MICALL2: variants seen among roughly 807,000 people sequenced by gnomAD.
MICALL2 encodes MICAL-like protein 2.
MICALL2 carries 111 observed loss-of-function variants against 91.1 expected under a neutral mutation model. That is an observed-to-expected ratio of 1.22 (90% CI 1.04 to 1.43). MICALL2 has a LOEUF of 1.43. Among genes scored for constraint, MICALL2 ranks in the 40% most tolerant of loss-of-function variants. MICALL2 has a pLI of 0.00. For synonymous variants in MICALL2, 694 were observed against 525.3 expected, an observed-to-expected ratio of 1.32 and a Z score of -4.39; for missense variants, 1,556 against 1,236.0, an observed-to-expected ratio of 1.26 and a Z score of -3.88.
chr7:1,434,652 T>TG lies in MICALL2; in HGVS notation c.2658dup (p.Lys887GlnfsTer?). ...GACCAGATCTTGGACAAGCGGAACTTGGACTTCTTCCTCTGGAGGCCTAGG... is the reference window on the plus strand; with the variant it reads ...GACCAGATCTTGGACAAGCGGAACTTGGGACTTCTTCCTCTGGAGGCCTAGG... On this transcript the variant is annotated frameshift_variant, in exon 17 of 17. Coordinates refer to ENST00000297508, the MANE Select transcript of MICALL2 (RefSeq NM_182924.4). LOFTEE classifies it high-confidence loss of function. 6.4e-7 allele frequency: 1 copy of TG among 1,567,920 alleles called. No homozygotes were observed. The highest frequency in any genetic ancestry group is 8.6e-7 in the Non-Finnish European group (1 of 1,161,180).
chr7:1,434,980 T>TTGG, intron 16 of MICALL2, 121 bp downstream of exon 16: 1 of 628,930 alleles, frequency 1.6e-6, no homozygotes, highest in Non-Finnish European at 2.8e-6. Flanking sequence ...GGGGACCCGA[T>TTGG]ACCCGCCCCC....
At chr7:1,440,436 C>A in intron 8 of MICALL2, 155 bp downstream of exon 8, 1 of 708,992 alleles carries the variant, frequency 1.4e-6, no homozygotes, top group South Asian at 1.7e-5. Flanking sequence ...CAGCGGCCCC[C>A]ATGTCCCTCA....
chr7:1,453,204 T>C (rs1780898776), intron 1 of MICALL2, among the ~76,000 whole-genome samples: 1 of 151,990 alleles, frequency 6.6e-6, no homozygotes, highest in African/African-American at 2.4e-5. Flanking sequence ...CGTGACCTTA[T>C]TTGGAGACAG....
intron 7 of MICALL2, chr7:1,441,972 C>A (rs1460204245): frequency 5.0e-6 from 3 of 600,660 alleles, no homozygotes; most frequent in East Asian, 2.9e-5. Context: ...GGGCTGGGTG[C>A]CGGCAAACAG....
Position 1,459,194 on chromosome 7 carries a change from G to A in MICALL2, c.133C>T (p.Pro45Ser), listed in dbSNP as rs756650881. Reference sequence around the variant, plus strand: ...CCAGGCAGGACTTACATGAGGTCGGGCCGGTGGCGGTGCAGGATGGCGCAG... The same window carrying A: ...CCAGGCAGGACTTACATGAGGTCGGACCGGTGGCGGTGCAGGATGGCGCAG... ...AFCAILHRHR[P>S]DLINFSALKK... The change falls in exon 1 of 17, where the codon CCC (proline) becomes TCC (serine). Residue 45 changes from proline (P) to serine (S), a missense_variant. Transcript: ENST00000297508. The A allele has an allele frequency of 6.2e-7, 1 of 1,610,186 alleles. No homozygotes were observed. The highest frequency in any genetic ancestry group is 8.5e-7 in the Non-Finnish European group (1 of 1,178,656).
intron 6 of MICALL2, 123 bp downstream of exon 6, chr7:1,444,529 A>G: frequency 1.1e-6 from 1 of 922,690 alleles, no homozygotes; most frequent in Non-Finnish European, 1.6e-6. Context: ...GGCTGGGGGA[A>G]GTGCAGTCCC....
chr7:1,438,624 A>C (rs559874379), intron 10 of MICALL2: 3 of 1,419,240 alleles, frequency 2.1e-6, no homozygotes, highest in African/African-American at 2.9e-5. Context: ...CAGACATTCC[A>C]TCATCACCAT....
At chr7:1,450,620 T>C (rs4725101) in intron 1 of MICALL2, 47,367 of 289,336 alleles carry the variant, frequency 0.16, 6,907 homozygotes, top group African/African-American at 0.48. Flanking sequence ...CCAGGGCGGT[T>C]CAGCACAGCT....
rs1336442694 is a variant in MICALL2 at position 1,437,997 on chromosome 7, G to A, written c.2312-17C>T. On this transcript the variant is annotated splice_polypyrimidine_tract_variant and intron_variant, in intron 12 of 16. Transcript: ENST00000297508. The stretch of plus-strand genomic sequence containing the variant: ...CAGCGTCATCTGGGGAGAGGAGCCA[G>A]CTGGGGCAGGGGGGCCCGCCAGAGT... 3.2e-6 allele frequency: 5 copies of A among 1,550,916 alleles called. No homozygotes were observed. The East Asian group carries it at 7.3e-5, about 23-fold the overall frequency.
intron 10 of MICALL2, chr7:1,438,607 C>T: frequency 1.4e-6 from 2 of 1,420,784 alleles, no homozygotes; most frequent in South Asian, 3.1e-5. Context: ...CCTCAAGCTG[C>T]CAGAAGCAGA....
In MICALL2 at chr7:1,452,677, CCA is replaced by C. The variant is rs1034373347; in HGVS notation, c.144-2391_144-2390del. On this transcript the variant is annotated intron_variant, in intron 1 of 16. Transcript: ENST00000297508. This position sits in a 1 kb window ranked among gnomAD's most constrained non-coding sequence, Gnocchi z 6.2. ...CTGCAGGGCCATCTCACCCCCAGAC[CCA>C]CAGTCAGGCTCTCAGAGCTCCAGGC... 2.6e-5 allele frequency among the ~76,000 whole-genome samples: 4 copies of C among 152,182 alleles called. No individual in the cohort carries two copies. The highest frequency in any genetic ancestry group is 5.9e-5 in the Non-Finnish European group (4 of 68,024).
chr7:1,444,944 G>A lies in MICALL2; in HGVS notation c.1126C>T (p.Pro376Ser). ...ACTCGGGGGGCTCCCCCACCCTGGGGTGTGGCCGGGCGAGGGTCTGGGGCA... is the reference window on the plus strand; with the variant it reads ...ACTCGGGGGGCTCCCCCACCCTGGGATGTGGCCGGGCGAGGGTCTGGGGCA... ...PSAPDPRPAT[P>S]QGGGAPRVAA... is the part of the protein sequence containing the mutation. The change falls in exon 6 of 17, where the codon CCC (proline) becomes TCC (serine). Residue 376 changes from proline to serine, a missense_variant. Coordinates refer to ENST00000297508, the MANE Select transcript of MICALL2 (RefSeq NM_182924.4). The A allele has an allele frequency of 6.6e-7, 1 of 1,515,446 alleles. No homozygotes were observed. The allele number at this position is 1,515,446 out of a possible 1,614,324, so 93.9% of individuals were successfully genotyped here. A position where few individuals can be genotyped will look rare whatever the true frequency, so the allele number is the denominator to read the frequency against.
At chr7:1,459,128 C>T (rs1002389590) in intron 1 of MICALL2, 56 bp downstream of exon 1, 2 of 1,544,472 alleles carry the variant, frequency 1.3e-6, no homozygotes, top group East Asian at 2.5e-5. Flanking sequence ...TTTCCCCGCC[C>T]GTGTCAGCGC....
At position 1,439,011 on chromosome 7, in the gene MICALL2, G is replaced by A. The variant is rs1392251175; in HGVS notation, c.1967-16C>T. ...GGGGACCTGGCTGCCCCCAGGTGGG[G>A]AGACAGAGCCACGCTTCAGAGCAGG... On this transcript the variant is annotated splice_polypyrimidine_tract_variant and intron_variant, in intron 9 of 16. Coordinates refer to ENST00000297508, the MANE Select transcript of MICALL2 (RefSeq NM_182924.4). 1 of 1,579,310 alleles carries A rather than the reference G, an allele frequency of 6.3e-7. No homozygotes were observed. Among genetic ancestry groups the A allele is most frequent in the Non-Finnish European group, 8.6e-7 (1 of 1,165,194 alleles).
In MICALL2 at chr7:1,438,211, C is replaced by T. The variant is rs372777495; in HGVS notation, c.2197G>A (p.Asp733Asn). 5.4e-5 allele frequency: 85 copies of T among 1,585,206 alleles called. 2 individuals carry two copies. In the South Asian group the frequency reaches 6.5e-4, roughly 12 times the overall value. Reference sequence around the variant, plus strand: ...TGTATCTCCTCCGGGGAGAGGTAGTCGGGGTGCAGCTGGGAACGGAGGGGC... The same window carrying T: ...TGTATCTCCTCCGGGGAGAGGTAGTTGGGGTGCAGCTGGGAACGGAGGGGC... ...TVTSPVRLHPDYLSPEEIQRQ... is the reference protein window; with the variant it reads ...TVTSPVRLHPNYLSPEEIQRQ... Residue 733 changes from aspartate (D) to asparagine (N), a missense_variant, in exon 12 of 17, where the codon GAC (aspartate) becomes AAC (asparagine). By Grantham distance (23) the Asp-to-Asn change is conservative. Transcript: ENST00000297508.
chr7:1,438,735 T>C (rs1780110584), intron 10 of MICALL2, 105 bp downstream of exon 10: 1 of 1,506,888 alleles, frequency 6.6e-7, no homozygotes, highest in Non-Finnish European at 8.8e-7. Context: ...CCCTCCATTC[T>C]AGGTCCTGTG....
intron 7 of MICALL2, chr7:1,441,895 C>T (rs749639626): frequency 9.0e-6 from 4 of 442,448 alleles, no homozygotes; most frequent in Non-Finnish European, 8.1e-6. Flanking sequence ...GATGTAACTG[C>T]CAGACCGAGC....
chr7:1,437,822 C>A, intron 13 of MICALL2, 68 bp downstream of exon 13: 1 of 1,442,172 alleles, frequency 6.9e-7, no homozygotes, highest in Non-Finnish European at 9.5e-7. Context: ...CTCCTGTCCC[C>A]CGCCTGGCCT....
At chr7:1,439,028 C>A in intron 9 of MICALL2, 33 bp from the exon 10 acceptor site, 1 of 1,528,180 alleles carries the variant, frequency 6.5e-7, no homozygotes, top group African/African-American at 1.4e-5. Flanking sequence ...AGCCACGCTT[C>A]AGAGCAGGGC....
Sources: gnomAD v4.1 joint callset for allele counts (sites outside exome capture counted in the v4.1 genomes callset) on GRCh38, gnomAD v4.1.1 for gene constraint, Gnocchi (gnomAD v3.1) non-coding constraint, MANE v1.5 for transcripts, NCBI Gene and HGNC (gene_info 2026-07-23, HGNC 2026-07-21) for gene names.